ZNF562: variants seen among roughly 807,000 people sequenced by gnomAD.
ZNF562 encodes zinc finger protein 562.
In ZNF562, 13 loss-of-function variants were observed where a neutral mutation model predicts 17.5. The observed-to-expected ratio is 0.74, with a 90% CI of 0.48 to 1.18. The LOEUF (loss-of-function observed/expected upper bound fraction) is 1.18, where lower values mean the gene tolerates loss of function less well. Among genes scored for constraint, ZNF562 ranks in the 50% most tolerant of loss-of-function variants. The probability of loss-of-function intolerance (pLI) is 0.00; values close to 1 mark genes in which losing one functional copy is unlikely to be tolerated. For synonymous variants in ZNF562, 163 were observed against 165.4 expected (o/e 0.99, Z 0.11); for missense variants, 481 against 498.5 (o/e 0.96, Z 0.33).
chr19:9,654,893 A>G (rs995421918), intron 5 of ZNF562, among the ~76,000 whole-genome samples: 12 of 152,084 alleles, frequency 7.9e-5, no homozygotes, highest in African/African-American at 2.9e-4. Flanking sequence ...CATAATTTTT[A>G]CAATATTTCT....
chr19:9,666,849 C>T (rs1314308444), intron 1 of ZNF562, among the ~76,000 whole-genome samples: 2 of 152,004 alleles, frequency 1.3e-5, no homozygotes, highest in African/African-American at 4.8e-5. Flanking sequence ...AACCTCAACA[C>T]AACAATAACA....
At chr19:9,673,412 T>C (rs1432147174) in intron 1 of ZNF562, among the ~76,000 whole-genome samples, 1 of 152,090 alleles carries the variant, frequency 6.6e-6, no homozygotes, top group Non-Finnish European at 1.5e-5. Context: ...AGCGTTTTAT[T>C]TTTTTATCTC....
At chr19:9,667,577 C>G in intron 1 of ZNF562, among the ~76,000 whole-genome samples, 1 of 152,024 alleles carries the variant, frequency 6.6e-6, no homozygotes, top group East Asian at 1.9e-4. Flanking sequence ...TCAAATTAGC[C>G]ATGTTTGCCA....
chr19:9,667,723 T>A (rs561627704), intron 1 of ZNF562, among the ~76,000 whole-genome samples: 6 of 152,074 alleles, frequency 3.9e-5, no homozygotes, highest in African/African-American at 1.4e-4. Context: ...CCCGAGTAGC[T>A]AGAACCACAG....
At chr19:9,668,748 C>A (rs1254132557) in intron 1 of ZNF562, among the ~76,000 whole-genome samples, 2 of 151,926 alleles carry the variant, frequency 1.3e-5, no homozygotes, top group East Asian at 3.9e-4. Flanking sequence ...CAGCATGGTA[C>A]TGACATAAAA....
Position 9,642,646 on chromosome 19 carries a change from C to T in ZNF562, c.*10303G>A, listed in dbSNP as rs377631814. On this transcript the variant is annotated 3_prime_UTR_variant, in exon 6 of 6. Transcript: ENST00000453372. ...TAGAGGGAAAACCCAAAATGGAATA[C>T]GAACAGGAACAATCAATCTGAACTT... 6 of 151,860 alleles carry T rather than the reference C, an allele frequency of 4.0e-5. No individual in the cohort carries two copies. Among genetic ancestry groups the T allele is most frequent in the South Asian group, 2.1e-4 (1 of 4,802 alleles). 9.4% of individuals were successfully genotyped at this position (151,860 alleles called of 1,614,324 possible). A position where few individuals can be genotyped will look rare whatever the true frequency, so the allele number is the denominator to read the frequency against.
intron 5 of ZNF562, among the ~76,000 whole-genome samples, chr19:9,654,743 G>A (rs531247853): frequency 1.4e-4 from 21 of 152,106 alleles, no homozygotes; most frequent in South Asian, 6.2e-4. Flanking sequence ...CACTGCGCCC[G>A]GCCTCAATTT....
At position 9,653,602 on chromosome 19, in the gene ZNF562, C is replaced by T. The variant is rs3199840; in HGVS notation, c.628G>A (p.Gly210Arg). Reference sequence around the variant, plus strand: ...CTTGCAAAATACTTAAAGCCTTTTCCACATTCCTTACATTTGTAGGGTTGT... The same window carrying T: ...CTTGCAAAATACTTAAAGCCTTTTCTACATTCCTTACATTTGTAGGGTTGT... ...GRQPYKCKEC[G>R]KGFKYFASLD... Residue 210 changes from glycine (G) to arginine (R), a missense_variant, in exon 6 of 6, where the codon GGA becomes AGA. Gly to Arg is a moderately radical substitution (Grantham distance 125, BLOSUM62 -2). Coordinates refer to ENST00000453372, the MANE Select transcript of ZNF562 (RefSeq NM_001130031.2). 32 of 1,613,986 alleles carry T rather than the reference C, an allele frequency of 2.0e-5. No individual in the cohort carries two copies. Among genetic ancestry groups the T allele is most frequent in the Non-Finnish European group, 2.3e-5 (27 of 1,180,010 alleles).
intron 1 of ZNF562, among the ~76,000 whole-genome samples, chr19:9,672,615 T>C (rs1380482788): frequency 6.6e-6 from 1 of 152,106 alleles, no homozygotes; most frequent in Non-Finnish European, 1.5e-5. Flanking sequence ...ACACTGATAC[T>C]AGAATACTAT....
At chr19:9,663,507 A>G (rs185846183) in intron 1 of ZNF562, among the ~76,000 whole-genome samples, 1 of 152,044 alleles carries the variant, frequency 6.6e-6, no homozygotes, top group Admixed American at 6.6e-5. Context: ...TCACTTCCAA[A>G]ATATAGTCTT....
intron 3 of ZNF562, 79 bp from the exon 4 acceptor site, chr19:9,658,214 C>T (rs1231333662): frequency 4.7e-6 from 7 of 1,496,228 alleles, no homozygotes; most frequent in Middle Eastern, 1.7e-4. Context: ...AAAGGGGAAC[C>T]TTATACTCAC....
In ZNF562 at chr19:9,660,712, G is replaced by C; in HGVS notation, c.25+8C>G. 1 of 1,612,294 alleles carries C rather than the reference G, an allele frequency of 6.2e-7. No individual in the cohort carries two copies. Among genetic ancestry groups the C allele is most frequent in the South Asian group, 1.1e-5 (1 of 90,904 alleles). ...AATCTCTGAAAAAGAGCATCAACAA[G>C]GACTTACCATGGGACATATCAAAGG... On this transcript the variant is annotated splice_region_variant and intron_variant, in intron 2 of 5. Coordinates refer to ENST00000453372, the MANE Select transcript of ZNF562 (RefSeq NM_001130031.2).
chr19:9,656,918 T>C (rs1298002045), intron 4 of ZNF562, among the ~76,000 whole-genome samples: 1 of 150,074 alleles, frequency 6.7e-6, no homozygotes, highest in Non-Finnish European at 1.5e-5. Context: ...CATGTGCCTG[T>C]AGTCCCAGCT....
At chr19:9,654,806 A>G (rs1351931102) in intron 5 of ZNF562, among the ~76,000 whole-genome samples, 9 of 152,106 alleles carry the variant, frequency 5.9e-5, no homozygotes. Flanking sequence ...CTCAAACTCT[A>G]CAAGAAACCC....
chr19:9,656,473 C>T, intron 5 of ZNF562, 74 bp downstream of exon 5: 2 of 1,526,412 alleles, frequency 1.3e-6, no homozygotes, highest in Non-Finnish European at 1.8e-6. Context: ...GGTGCCACTG[C>T]ACTTCAGCCT....
intron 2 of ZNF562, 110 bp downstream of exon 2, chr19:9,660,610 G>C: frequency 1.1e-6 from 1 of 921,534 alleles, no homozygotes; most frequent in Non-Finnish European, 1.6e-6. Flanking sequence ...CCATCTAAAA[G>C]AAAAAAAAAA....
In ZNF562 at chr19:9,643,284, T is replaced by A. The variant is rs534843273; in HGVS notation, c.*9665A>T. On this transcript the variant is annotated 3_prime_UTR_variant, in exon 6 of 6. Transcript: ENST00000453372. ...CAGGAGAATCACTTGAACCCAGGAA[T>A]TGGAGGTTGCAGTGAGCTGAGATCA... 6.7e-6 allele frequency: 1 copy of A among 149,842 alleles called. No homozygotes were observed. Among genetic ancestry groups the A allele is most frequent in the African/African-American group, 2.5e-5 (1 of 40,570 alleles). 9.3% of individuals were successfully genotyped at this position (149,842 alleles called of 1,614,324 possible).
rs2043596400 is a variant in ZNF562, at chr19:9,658,252, A to G, written c.115-117T>C. On this transcript the variant is annotated intron_variant, in intron 3 of 5. Coordinates refer to ENST00000453372, the MANE Select transcript of ZNF562 (RefSeq NM_001130031.2). The stretch of plus-strand genomic sequence containing the variant: ...ATACGTGGTTCTCAAGTCTCCCATG[A>G]TCTACTCCAGGGTTTAATGTCTCAG... 3 of 1,397,460 alleles carry G rather than the reference A, an allele frequency of 2.1e-6. No individual in the cohort carries two copies. The Admixed American group carries it at 7.9e-5, about 37-fold the overall frequency. The allele number at this position is 1,397,460 out of a possible 1,614,324, so 86.6% of individuals were successfully genotyped here.
chr19:9,673,309 A>G (rs1026318215), intron 1 of ZNF562, among the ~76,000 whole-genome samples: 35 of 152,322 alleles, frequency 2.3e-4, no homozygotes, highest in Admixed American at 9.2e-4. Flanking sequence ...TACTCTCGCC[A>G]TCACTCCATC....
Sources: allele counts gnomAD v4.1 joint callset (sites outside exome capture counted in the v4.1 genomes callset), GRCh38; gene constraint gnomAD v4.1.1; transcripts MANE v1.5; gene names NCBI Gene and HGNC (gene_info 2026-07-23, HGNC 2026-07-21).